Variants in DIAPH1 observed in about 807,000 individuals in gnomAD.
The protein encoded by DIAPH1 is diaphanous related formin 1.
DIAPH1 carries 46 observed loss-of-function variants against 140.7 expected under a neutral mutation model. The observed-to-expected ratio is 0.33, with a 90% CI of 0.26 to 0.42. The LOEUF (loss-of-function observed/expected upper bound fraction) is 0.42. Among genes scored for constraint, DIAPH1 ranks in the 10% least tolerant of loss-of-function variants. DIAPH1 has a pLI of 1.00. For missense variants in DIAPH1, 1,310 were observed against 1,558.7 expected (o/e 0.84, Z 2.69); for synonymous variants, 565 against 551.6 (o/e 1.02, Z -0.34).
intron 1 of DIAPH1, among the ~76,000 whole-genome samples, chr5:141,592,726 T>C (rs2099898697): frequency 6.6e-6 from 1 of 152,206 alleles, no homozygotes; most frequent in Non-Finnish European, 1.5e-5. Context: ...GTGGTAAATA[T>C]CTCACTTCCT....
intron 6 of DIAPH1, 107 bp from the exon 7 acceptor site, chr5:141,582,482 G>A: frequency 3.6e-6 from 3 of 829,730 alleles, no homozygotes; most frequent in Non-Finnish European, 4.2e-6. Flanking sequence ...TCTAGCAGAT[G>A]AGTAAATTTT....
intron 18 of DIAPH1, among the ~76,000 whole-genome samples, chr5:141,555,365 T>G (rs1307167769): frequency 2.0e-5 from 3 of 152,202 alleles, no homozygotes; most frequent in African/African-American, 4.8e-5. Flanking sequence ...GGTTCAACTT[T>G]GACGGTGGGT....
chr5:141,563,772 A>C (rs1211787731), intron 18 of DIAPH1: 1 of 152,228 alleles, frequency 6.6e-6, no homozygotes, highest in African/African-American at 2.4e-5. Context: ...AGAGGCTCTA[A>C]AAATGAGACT....
intron 18 of DIAPH1, among the ~76,000 whole-genome samples, chr5:141,551,910 A>G (rs1383585059): frequency 6.6e-6 from 1 of 152,232 alleles, no homozygotes; most frequent in Admixed American, 6.5e-5. Context: ...CCCTAAAGCA[A>G]AACTCTACAA....
At chr5:141,555,964 G>T (rs1013400001) in intron 18 of DIAPH1, among the ~76,000 whole-genome samples, 26 of 152,188 alleles carry the variant, frequency 1.7e-4, no homozygotes, top group African/African-American at 6.3e-4. Flanking sequence ...CAAGAAGCCA[G>T]ACCCTGCTAA....
Position 141,547,170 on chromosome 5 carries a change from T to A in DIAPH1, c.2483-12737A>T, listed in dbSNP as rs2099890935. On this transcript the variant is annotated intron_variant, in intron 18 of 27. Transcript: ENST00000389054. ...GGAGAAGTTCATCAGAGAAGTAGAA[T>A]TTACTTTTAAAAAATCTATGAACAT... 2.0e-5 allele frequency among the ~76,000 whole-genome samples: 3 copies of A among 152,178 alleles called. No homozygotes were observed. The South Asian group carries it at 6.2e-4, about 32-fold the overall frequency.
intron 27 of DIAPH1, among the ~76,000 whole-genome samples, chr5:141,519,391 T>C (rs145831138): frequency 1.1e-3 from 166 of 152,302 alleles, no homozygotes; most frequent in African/African-American, 4.0e-3. Flanking sequence ...TGTGTGTGTG[T>C]GTGTGTAACT....
At chr5:141,536,603 G>C (rs1245130259) in intron 18 of DIAPH1, among the ~76,000 whole-genome samples, 1 of 152,120 alleles carries the variant, frequency 6.6e-6, no homozygotes, top group Non-Finnish European at 1.5e-5. Context: ...GACGGGGGCA[G>C]TTTACAATTT....
At chr5:141,543,626 T>C (rs1291473154) in intron 18 of DIAPH1, among the ~76,000 whole-genome samples, 6 of 152,212 alleles carry the variant, frequency 3.9e-5, no homozygotes, top group African/African-American at 1.4e-4. Context: ...TTTTGTCCAA[T>C]TGTAAGCTAA....
chr5:141,539,031 T>C (rs1037601250), intron 18 of DIAPH1, among the ~76,000 whole-genome samples: 1 of 151,738 alleles, frequency 6.6e-6, no homozygotes, highest in Non-Finnish European at 1.5e-5. Context: ...TCCCAGCACT[T>C]AAGGAGGCTG....
At chr5:141,598,708 A>C (rs1009002582) in intron 1 of DIAPH1, among the ~76,000 whole-genome samples, 13 of 152,204 alleles carry the variant, frequency 8.5e-5, no homozygotes, top group African/African-American at 2.2e-4. Context: ...ACAACAACAA[A>C]AAAGTCAAAA....
intron 18 of DIAPH1, among the ~76,000 whole-genome samples, chr5:141,554,895 C>T (rs1390391172): frequency 1.3e-5 from 2 of 151,954 alleles, no homozygotes; most frequent in Non-Finnish European, 2.9e-5. Flanking sequence ...ACTTCTTTGA[C>T]AATGTGTATA....
rs547070097 is a variant in DIAPH1, at chr5:141,576,252, T to G, written c.1439A>C (p.Lys480Thr). The G allele has an allele frequency of 1.1e-5, 17 of 1,614,014 alleles. No individual in the cohort carries two copies. The highest frequency in any genetic ancestry group is 5.0e-5 in the Admixed American group (3 of 60,032). ...CACCTTCTTTTCCAGCTCTGCAGCT[T>G]TGGCTTCAGATTTCTCCACCTTTGT... ...DKTKVEKSEA[K>T]AAELEKKLDS... is the part of the protein sequence containing the mutation. The change falls in exon 14 of 28, where the codon AAA (lysine) becomes ACA (threonine). Residue 480 changes from lysine (K) to threonine (T), a missense_variant. Lys to Thr is a moderately conservative substitution (Grantham distance 78, BLOSUM62 -1). Coordinates refer to ENST00000389054, the MANE Select transcript of DIAPH1 (RefSeq NM_005219.5).
At chr5:141,567,732 A>G (rs1344552782) in intron 18 of DIAPH1, among the ~76,000 whole-genome samples, 2 of 152,224 alleles carry the variant, frequency 1.3e-5, no homozygotes, top group South Asian at 4.1e-4. Flanking sequence ...TCACAGGGAA[A>G]AAGAAAAAGA....
chr5:141,587,482 T>C, intron 2 of DIAPH1: 1 of 441,030 alleles, frequency 2.3e-6, no homozygotes. Context: ...CCCCTGCCAT[T>C]TCTAAGCCTT....
intron 18 of DIAPH1, among the ~76,000 whole-genome samples, chr5:141,548,091 C>A (rs2099891093): frequency 6.6e-6 from 1 of 151,902 alleles, no homozygotes; most frequent in Non-Finnish European, 1.5e-5. Flanking sequence ...CCTAGCTTCT[C>A]AGGAAGCTGA....
At chr5:141,563,871 TA>T (rs1416017188) in intron 18 of DIAPH1, 1 of 152,180 alleles carries the variant, frequency 6.6e-6, no homozygotes, top group Non-Finnish European at 1.5e-5. Flanking sequence ...CTATCCAAGT[TA>T]GACCAGGGGA....
intron 1 of DIAPH1, among the ~76,000 whole-genome samples, chr5:141,613,972 A>T (rs566392460): frequency 5.9e-5 from 9 of 152,346 alleles, no homozygotes; most frequent in East Asian, 3.9e-4. Context: ...GGAGGAGGTG[A>T]CAGGCAGCCA....
In DIAPH1 at chr5:141,572,064, A is replaced by C. The variant is rs1337482763; in HGVS notation, c.2359-24T>G. On this transcript the variant is annotated intron_variant, in intron 16 of 27. Transcript: ENST00000389054. ...AGCTGTGGATAAAGGCAGGGTGTTAAGAATTAGTAAACTGAGCCCTGTACT... is the reference window on the plus strand; with the variant it reads ...AGCTGTGGATAAAGGCAGGGTGTTACGAATTAGTAAACTGAGCCCTGTACT... 5 of 1,537,568 alleles carry C rather than the reference A, an allele frequency of 3.3e-6. No homozygotes were observed. The Admixed American group carries it at 5.0e-5, about 15-fold the overall frequency.
Sources: gnomAD v4.1 joint callset for allele counts (sites outside exome capture counted in the v4.1 genomes callset) on GRCh38, gnomAD v4.1.1 for gene constraint, MANE v1.5 for transcripts, NCBI Gene and HGNC (gene_info 2026-07-23, HGNC 2026-07-21) for gene names.